PSMB7: variants seen among roughly 807,000 people sequenced by gnomAD.
PSMB7 encodes the protein proteasome 20S subunit beta 7, also known as proteasome subunit beta type-7.
In PSMB7, 5 loss-of-function variants were observed where a neutral mutation model predicts 28.1. The ratio of observed to expected loss-of-function variants is 0.18; its 90% CI spans 0.09 to 0.37. The LOEUF is 0.37. Ranked by LOEUF, PSMB7 falls within the 10% of genes least tolerant of loss-of-function variation. The pLI, the probability that PSMB7 is intolerant of heterozygous loss-of-function variation, is 1.00. For missense variants in PSMB7, 275 were observed against 346.2 expected (o/e 0.79, Z 1.63); for synonymous variants, 122 against 123.7 (o/e 0.99, Z 0.09).
At chr9:124,385,640 A>G (rs1485541578) in intron 5 of PSMB7, among the ~76,000 whole-genome samples, 11 of 152,210 alleles carry the variant, frequency 7.2e-5, no homozygotes, top group Non-Finnish European at 5.9e-5. Context: ...GTTTTGCATA[A>G]CACTATCTAT....
intron 6 of PSMB7, among the ~76,000 whole-genome samples, chr9:124,368,208 G>A (rs1830527008): frequency 6.6e-6 from 1 of 151,778 alleles, no homozygotes; most frequent in Non-Finnish European, 1.5e-5. Flanking sequence ...CCCAAACAAC[G>A]CTTTAAGGTG....
At chr9:124,354,041 G>A (rs1396581294) in intron 7 of PSMB7, among the ~76,000 whole-genome samples, 1 of 152,172 alleles carries the variant, frequency 6.6e-6, no homozygotes, top group Non-Finnish European at 1.5e-5. Flanking sequence ...CTACAATACT[G>A]TTCAGGGACA....
intron 6 of PSMB7, among the ~76,000 whole-genome samples, chr9:124,367,546 A>G (rs986858952): frequency 6.6e-6 from 1 of 152,036 alleles, no homozygotes; most frequent in African/African-American, 2.4e-5. Flanking sequence ...GAACTGATGA[A>G]TATAGTCACT....
intron 6 of PSMB7, among the ~76,000 whole-genome samples, chr9:124,364,524 G>GAA (rs10595510): frequency 1.5e-5 from 2 of 132,126 alleles, no homozygotes; most frequent in African/African-American, 2.8e-5. Flanking sequence ...TGTAATCAGA[G>GAA]AAAAAAAAAA....
rs1588585374 is a variant in PSMB7, at chr9:124,414,728, T to C, written c.156+114A>G. 2.8e-5 allele frequency: 22 copies of C among 799,262 alleles called. No homozygotes were observed. The East Asian group carries it at 5.5e-4, about 20-fold the overall frequency. The allele number at this position is 799,262 out of a possible 1,614,324, so 49.5% of individuals were successfully genotyped here. On this transcript the variant is annotated intron_variant, in intron 2 of 7. Transcript: ENST00000259457. ...TCGCTCCTGAAAGACGGTCTCCTGATGTATTCTATAGCATTTGCCTTTCCA... is the reference window on the plus strand; with the variant it reads ...TCGCTCCTGAAAGACGGTCTCCTGACGTATTCTATAGCATTTGCCTTTCCA...
At chr9:124,365,921 C>A (rs138568190) in intron 6 of PSMB7, among the ~76,000 whole-genome samples, 2 of 151,910 alleles carry the variant, frequency 1.3e-5, no homozygotes, top group Non-Finnish European at 2.9e-5. Context: ...TCTCAAAAAA[C>A]GAGAGAGAAA....
At chr9:124,386,108 G>C (rs547170306) in intron 5 of PSMB7, among the ~76,000 whole-genome samples, 1 of 149,272 alleles carries the variant, frequency 6.7e-6, no homozygotes, top group South Asian at 2.1e-4. Flanking sequence ...GGAGCAAAAG[G>C]CAACCCGATT....
intron 6 of PSMB7, among the ~76,000 whole-genome samples, chr9:124,370,845 T>C (rs1039629564): frequency 3.9e-5 from 6 of 152,222 alleles, no homozygotes; most frequent in Non-Finnish European, 7.3e-5. Flanking sequence ...CCTACACAGG[T>C]ACTACATTTA....
chr9:124,380,904 T>A (rs1830657529), intron 6 of PSMB7, among the ~76,000 whole-genome samples: 1 of 152,262 alleles, frequency 6.6e-6, no homozygotes, highest in South Asian at 2.1e-4. Context: ...AGTGATAGGC[T>A]GGCCCTGCCC....
intron 6 of PSMB7, among the ~76,000 whole-genome samples, chr9:124,382,374 A>AT (rs1242529744): frequency 1.3e-5 from 2 of 150,844 alleles, no homozygotes; most frequent in Admixed American, 1.3e-4. Flanking sequence ...CGTCCGGCTA[A>AT]TTTTTTGTAT....
At chr9:124,360,123 T>C (rs747266226) in intron 6 of PSMB7, among the ~76,000 whole-genome samples, 1 of 152,266 alleles carries the variant, frequency 6.6e-6, no homozygotes, top group African/African-American at 2.4e-5. Flanking sequence ...AATATGCTAC[T>C]GGGCATATTC....
At chr9:124,403,361 C>CA (rs1360960945) in intron 5 of PSMB7, among the ~76,000 whole-genome samples, 3 of 151,932 alleles carry the variant, frequency 2.0e-5, no homozygotes, top group East Asian at 1.9e-4. Flanking sequence ...CCCATCTCTA[C>CA]AAAAAATACA....
intron 5 of PSMB7, among the ~76,000 whole-genome samples, chr9:124,397,145 T>G (rs1271417030): frequency 6.6e-6 from 1 of 152,214 alleles, no homozygotes; most frequent in African/African-American, 2.4e-5. Context: ...TCCTTACTTG[T>G]GGTTCAAGTA....
At position 124,405,337 on chromosome 9, in the gene PSMB7, T is replaced by G; in HGVS notation, c.491A>C (p.Lys164Thr). Reference protein sequence around the residue: ...YSIYPHGSTDKLPYVTMGSGS... With the variant: ...YSIYPHGSTDTLPYVTMGSGS... Reference sequence around the variant, plus strand: ...CTCACCCATGGTGACATAAGGCAACTTATCAGTTGATCCATGAGGATAGAT... The same window carrying G: ...CTCACCCATGGTGACATAAGGCAACGTATCAGTTGATCCATGAGGATAGAT... The change falls in exon 5 of 8, where the codon AAG becomes ACG. Residue 164 changes from lysine (K) to threonine (T), a missense_variant. Coordinates refer to ENST00000259457, the MANE Select transcript of PSMB7 (RefSeq NM_002799.4). The G allele has an allele frequency of 6.2e-7, 1 of 1,612,592 alleles. No individual in the cohort carries two copies. The highest frequency in any genetic ancestry group is 1.1e-5 in the South Asian group (1 of 91,034).
chr9:124,388,597 G>A (rs577162704), intron 5 of PSMB7, among the ~76,000 whole-genome samples: 2 of 152,310 alleles, frequency 1.3e-5, no homozygotes, highest in South Asian at 2.1e-4. Context: ...TTGACCCTAT[G>A]TCGCGCTCTC....
At chr9:124,385,619 CT>C (rs1564681001) in intron 5 of PSMB7, among the ~76,000 whole-genome samples, 5 of 152,140 alleles carry the variant, frequency 3.3e-5, no homozygotes, top group South Asian at 2.1e-4. Flanking sequence ...GCATTTATTA[CT>C]TTTTAACTTG....
chr9:124,412,255 G>A, intron 4 of PSMB7, 97 bp downstream of exon 4: 1 of 1,199,608 alleles, frequency 8.3e-7, no homozygotes, highest in Non-Finnish European at 1.2e-6. Flanking sequence ...GTGTATTTCT[G>A]AATGTGTTTT....
chr9:124,398,776 C>A (rs1359545847), intron 5 of PSMB7, among the ~76,000 whole-genome samples: 2 of 152,062 alleles, frequency 1.3e-5, no homozygotes, highest in African/African-American at 4.8e-5. Flanking sequence ...CTGGGGCTTG[C>A]CAGAGATGGA....
chr9:124,404,307 G>A (rs781117325), intron 5 of PSMB7, among the ~76,000 whole-genome samples: 1 of 152,128 alleles, frequency 6.6e-6, no homozygotes, highest in Non-Finnish European at 1.5e-5. Flanking sequence ...AAATTCATAT[G>A]CAGATGTAAA....
Sources: gnomAD v4.1 joint callset for allele counts (sites outside exome capture counted in the v4.1 genomes callset) on GRCh38, gnomAD v4.1.1 for gene constraint, MANE v1.5 for transcripts, NCBI Gene and HGNC (gene_info 2026-07-23, HGNC 2026-07-21) for gene names.